Variants in CSMD1 observed in about 807,000 individuals in gnomAD.
CSMD1 encodes CUB and Sushi multiple domains 1, also known as CUB and sushi domain-containing protein 1.
CSMD1 carries 213 observed loss-of-function variants against 417.5 expected under a neutral mutation model. The observed-to-expected ratio is 0.51, with a 90% CI of 0.46 to 0.57. The LOEUF is 0.57. Ranked by LOEUF, CSMD1 falls within the 20% of genes least tolerant of loss-of-function variation. The pLI, the probability that CSMD1 is intolerant of heterozygous loss-of-function variation, is 0.00. For synonymous variants in CSMD1, 2,862 were observed against 1,736.8 expected (o/e 1.65, Z -16.11); for missense variants, 6,923 against 4,529.7 (o/e 1.53, Z -15.17).
chr8:4,823,204 G>A (rs1394246290), intron 1 of CSMD1, among the ~76,000 whole-genome samples: 1 of 151,936 alleles, frequency 6.6e-6, no homozygotes, highest in Non-Finnish European at 1.5e-5. Flanking sequence ...TTCTTATTAG[G>A]TTTAATCCAA....
rs1035187047 is a variant in CSMD1 at position 4,654,326 on chromosome 8, T to G, written c.86-16768A>C. Among the ~76,000 whole-genome samples the G allele has an allele frequency of 3.2e-4, 48 of 152,256 alleles. 1 individual carries two copies. Among genetic ancestry groups the G allele is most frequent in the Admixed American group, 2.0e-3 (30 of 15,306 alleles). Reference sequence around the variant, plus strand: ...TATAAATGGTTCAGGGATGTATTGCTTTCTATGCAGACGTAACAACTCCAG... The same window carrying G: ...TATAAATGGTTCAGGGATGTATTGCGTTCTATGCAGACGTAACAACTCCAG... On this transcript the variant is annotated intron_variant, in intron 1 of 69. Coordinates refer to ENST00000635120, the MANE Select transcript of CSMD1 (RefSeq NM_033225.6).
rs192228603 is a variant in CSMD1 at position 3,582,086 on chromosome 8, C to T, written c.1222+4050G>A. Among the ~76,000 whole-genome samples the T allele has an allele frequency of 3.5e-3, 537 of 152,184 alleles. 5 individuals carry two copies. Among genetic ancestry groups the T allele is most frequent in the African/African-American group, 0.012 (488 of 41,546 alleles). On this transcript the variant is annotated intron_variant, in intron 9 of 69. Coordinates refer to ENST00000635120, the MANE Select transcript of CSMD1 (RefSeq NM_033225.6). Reference sequence around the variant, plus strand: ...CTGGGATTACAGGCGTGAGCCACCGCGCTGGCCAATGCTGTCTTTTCTGAT... The same window carrying T: ...CTGGGATTACAGGCGTGAGCCACCGTGCTGGCCAATGCTGTCTTTTCTGAT...
chr8:4,268,200 G>T (rs186896149), intron 3 of CSMD1, among the ~76,000 whole-genome samples: 225 of 152,174 alleles, frequency 1.5e-3, no homozygotes, highest in African/African-American at 5.2e-3. Flanking sequence ...CACCATAAAG[G>T]ATTATCATCC....
chr8:4,707,583 C>G (rs949121417), intron 1 of CSMD1, among the ~76,000 whole-genome samples: 1 of 151,910 alleles, frequency 6.6e-6, no homozygotes, highest in Non-Finnish European at 1.5e-5. Context: ...TTACTGCAAA[C>G]GAGCAACAAG....
chr8:3,811,869 CTA>C, intron 5 of CSMD1, among the ~76,000 whole-genome samples: 1 of 152,250 alleles, frequency 6.6e-6, no homozygotes, highest in Admixed American at 6.5e-5. Flanking sequence ...ACTTAAGCCA[CTA>C]TGTGTTGTGT....
At chr8:2,939,974 C>T (rs780571883) in intron 69 of CSMD1, among the ~76,000 whole-genome samples, 2 of 152,152 alleles carry the variant, frequency 1.3e-5, no homozygotes, top group Admixed American at 1.3e-4. Context: ...TGGATGCTGA[C>T]GTGCAGGTGT....
intron 18 of CSMD1, among the ~76,000 whole-genome samples, chr8:3,386,979 G>T (rs1443687878): frequency 6.6e-6 from 1 of 152,166 alleles, no homozygotes; most frequent in East Asian, 1.9e-4. Context: ...GAAGATTTGT[G>T]TAGGACAACA....
chr8:3,171,537 T>C (rs1038317124), intron 37 of CSMD1, among the ~76,000 whole-genome samples: 5 of 152,176 alleles, frequency 3.3e-5, no homozygotes, highest in Non-Finnish European at 5.9e-5. Flanking sequence ...TCATTACTTA[T>C]TCCATGTCTA....
At chr8:3,597,835 G>T (rs150460706) in intron 8 of CSMD1, among the ~76,000 whole-genome samples, 10 of 152,084 alleles carry the variant, frequency 6.6e-5, no homozygotes, top group African/African-American at 1.7e-4. Context: ...GGGGCCTGTC[G>T]GGGGGTTGGG....
chr8:3,306,397 C>A (rs927600584), intron 25 of CSMD1, among the ~76,000 whole-genome samples: 2 of 152,146 alleles, frequency 1.3e-5, no homozygotes, highest in Non-Finnish European at 2.9e-5. Flanking sequence ...TGATCTCGAA[C>A]TACTGATCTT....
intron 6 of CSMD1, among the ~76,000 whole-genome samples, chr8:3,710,889 G>T (rs1450030275): frequency 6.6e-6 from 1 of 152,124 alleles, no homozygotes; most frequent in East Asian, 1.9e-4. Context: ...ACTGGCTGGG[G>T]AGCATGGAGA....
intron 3 of CSMD1, among the ~76,000 whole-genome samples, chr8:4,096,026 T>C (rs991405667): frequency 8.6e-5 from 13 of 151,088 alleles, no homozygotes; most frequent in African/African-American, 3.2e-4. Flanking sequence ...TAATAATTCA[T>C]GGGTATAATG....
At chr8:3,770,586 T>C (rs770415428) in intron 5 of CSMD1, among the ~76,000 whole-genome samples, 2 of 152,040 alleles carry the variant, frequency 1.3e-5, no homozygotes, top group East Asian at 1.9e-4. Flanking sequence ...AAGAGGCCTG[T>C]CGCACATGCA....
chr8:3,571,493 C>G (rs1028396595), intron 10 of CSMD1, among the ~76,000 whole-genome samples: 1 of 152,154 alleles, frequency 6.6e-6, no homozygotes, highest in African/African-American at 2.4e-5. Context: ...TACCAAGACT[C>G]CTCTGCGACA....
intron 2 of CSMD1, among the ~76,000 whole-genome samples, chr8:4,579,638 A>G (rs941469414): frequency 6.6e-6 from 1 of 152,102 alleles, no homozygotes; most frequent in African/African-American, 2.4e-5. Context: ...CTGATATTAC[A>G]GGTGTGAGCC....
intron 5 of CSMD1, among the ~76,000 whole-genome samples, chr8:3,817,409 T>C (rs748994385): frequency 7.9e-5 from 12 of 151,664 alleles, no homozygotes; most frequent in Non-Finnish European, 1.8e-4. Context: ...ACCTCCCAAG[T>C]AGCTGGGACT....
At chr8:3,897,238 T>A (rs1480330137) in intron 5 of CSMD1, among the ~76,000 whole-genome samples, 1 of 152,180 alleles carries the variant, frequency 6.6e-6, no homozygotes, top group Non-Finnish European at 1.5e-5. Flanking sequence ...CAGCCTACCC[T>A]TTCTACAGAG....
At chr8:4,754,507 G>T (rs982850291) in intron 1 of CSMD1, among the ~76,000 whole-genome samples, 1 of 151,200 alleles carries the variant, frequency 6.6e-6, no homozygotes, top group African/African-American at 2.4e-5. Flanking sequence ...TAGCATAAAT[G>T]CACTCCCAAA....
chr8:3,763,202 G>T (rs933862257), intron 5 of CSMD1, among the ~76,000 whole-genome samples: 1 of 152,192 alleles, frequency 6.6e-6, no homozygotes, highest in Non-Finnish European at 1.5e-5. Flanking sequence ...ACATCATAAA[G>T]TAGAAATGAC....
Sources: gnomAD v4.1 joint callset for allele counts (sites outside exome capture counted in the v4.1 genomes callset) on GRCh38, gnomAD v4.1.1 for gene constraint, MANE v1.5 for transcripts, NCBI Gene and HGNC (gene_info 2026-07-23, HGNC 2026-07-21) for gene names.